The following UGT8 variants were observed in gnomAD, a reference collection of about 807,000 sequenced individuals.
UGT8 encodes UDP glycosyltransferase 8.
Under a neutral mutation model 40.5 loss-of-function variants are expected in UGT8, and 12 were observed. The observed-to-expected ratio is 0.30, with a 90% CI of 0.19 to 0.48. The LOEUF (loss-of-function observed/expected upper bound fraction) is 0.48, where lower values mean the gene tolerates loss of function less well. Ranked by LOEUF, UGT8 falls within the 20% of genes least tolerant of loss-of-function variation. The pLI is 0.99. For missense variants in UGT8, 513 were observed against 648.7 expected (o/e 0.79, Z 2.27); for synonymous variants, 224 against 240.4 (o/e 0.93, Z 0.63).
intron 2 of UGT8, chr4:114,663,773 T>C (rs1387306956): frequency 4.1e-6 from 4 of 985,122 alleles, no homozygotes; most frequent in Non-Finnish European, 3.6e-6. Flanking sequence ...TTTTGTTACT[T>C]ACAGATCTTA....
At chr4:114,662,622 A>G (rs1734612105) in intron 2 of UGT8, among the ~76,000 whole-genome samples, 1 of 152,120 alleles carries the variant, frequency 6.6e-6, no homozygotes, top group African/African-American at 2.4e-5. Context: ...TCATGCAGTG[A>G]CATTATTCGC....
chr4:114,656,933 A>T (rs1174243078), intron 2 of UGT8: 1 of 437,444 alleles, frequency 2.3e-6, no homozygotes, highest in Non-Finnish European at 4.6e-6. Flanking sequence ...ATATGTCCCA[A>T]GTGTCAGATA....
chr4:114,605,926 A>G (rs1730701727), intron 1 of UGT8, among the ~76,000 whole-genome samples: 1 of 152,188 alleles, frequency 6.6e-6, no homozygotes, highest in Non-Finnish European at 1.5e-5. Flanking sequence ...AATTGTGGTT[A>G]GTGACATTAA....
Position 114,618,330 on chromosome 4 carries a change from AT to A in UGT8, c.-2-4545del, listed in dbSNP as rs1731566394. Among the ~76,000 whole-genome samples the A allele has an allele frequency of 2.0e-5, 3 of 152,206 alleles. No homozygotes were observed. In the South Asian group the frequency reaches 6.2e-4, roughly 31 times the overall value. On this transcript the variant is annotated intron_variant, in intron 1 of 5. Transcript: ENST00000310836. ...TTTCATAACATTTACACCAGTTTACATTTTCACCAACTTCTTAAGACTACAC... is the reference window on the plus strand; with the variant it reads ...TTTCATAACATTTACACCAGTTTACATTTCACCAACTTCTTAAGACTACAC...
At chr4:114,657,385 G>C (rs1005925247) in intron 2 of UGT8, among the ~76,000 whole-genome samples, 2 of 152,088 alleles carry the variant, frequency 1.3e-5, no homozygotes, top group Non-Finnish European at 2.9e-5. Flanking sequence ...ACCCTTCTGG[G>C]TGCTTATTTC....
intron 2 of UGT8, among the ~76,000 whole-genome samples, chr4:114,655,322 A>T (rs1427332786): frequency 6.6e-6 from 1 of 152,002 alleles, no homozygotes; most frequent in African/African-American, 2.4e-5. Context: ...CAGACCATGG[A>T]TGCATCTGTG....
chr4:114,616,375 C>T (rs1578408566), intron 1 of UGT8, among the ~76,000 whole-genome samples: 2 of 152,324 alleles, frequency 1.3e-5, no homozygotes, highest in South Asian at 4.1e-4. Flanking sequence ...GAGTGAGGCT[C>T]CATGGGCGTA....
intron 2 of UGT8, among the ~76,000 whole-genome samples, chr4:114,647,392 G>GTGTC (rs1237039576): frequency 3.3e-4 from 50 of 150,748 alleles, no homozygotes; most frequent in Admixed American, 3.0e-3. Context: ...GTGTGTGTGT[G>GTGTC]TCTCACTCTG....
At chr4:114,599,015 G>A (rs1331532289) in intron 1 of UGT8, 41 bp downstream of exon 1, 1 of 151,174 alleles carries the variant, frequency 6.6e-6, no homozygotes, top group Non-Finnish European at 1.5e-5. Context: ...GCGGAAGGGG[G>A]GGCGGTCTGG....
In UGT8 at chr4:114,623,405, A is replaced by G. The variant is rs752891004; in HGVS notation, c.525A>G (p.Ala175=). The change falls in exon 2 of 6, where the codon GCA becomes GCG. Residue 175 remains alanine (A), a synonymous_variant. Coordinates refer to ENST00000310836, the MANE Select transcript of UGT8 (RefSeq NM_001128174.3). The part of the protein sequence containing the change: ...PAEVGAPAPL[A]YVPEFNSLLT... ...AAGTGGGTGCTCCTGCTCCATTAGC[A>G]TACGTCCCAGAGTTTAACTCACTCC... is the stretch of plus-strand genomic sequence containing the variant. 5.6e-6 allele frequency: 9 copies of G among 1,614,202 alleles called. No homozygotes were observed. In the South Asian group the frequency reaches 7.7e-5, roughly 14 times the overall value.
In UGT8 at chr4:114,599,944, G is replaced by A. The variant is rs561900591; in HGVS notation, c.-3+970G>A. ...ATTGAGGGTTTATAAAATTGAGTAC[G>A]GTAAACCTGCCATTGTGCAGCACTT... On this transcript the variant is annotated intron_variant, in intron 1 of 5. Coordinates refer to ENST00000310836, the MANE Select transcript of UGT8 (RefSeq NM_001128174.3). Among the ~76,000 whole-genome samples the A allele has an allele frequency of 4.5e-4, 68 of 152,240 alleles. 1 individual carries two copies. The South Asian group carries it at 0.013, about 30-fold the overall frequency.
At chr4:114,622,682 T>C (rs568849157) in intron 1 of UGT8, 197 bp from the exon 2 acceptor site, 42 of 514,934 alleles carry the variant, frequency 8.2e-5, no homozygotes, top group African/African-American at 5.2e-4. Context: ...ATTTCTCTGA[T>C]GGCCAGTGAT....
intron 2 of UGT8, among the ~76,000 whole-genome samples, chr4:114,647,356 TTGTGTGTGTGTGTG>T (rs34575248): frequency 2.1e-5 from 3 of 143,288 alleles, no homozygotes; most frequent in Admixed American, 7.0e-5. Flanking sequence ...ATTAGCTCTT[TTGTGTGTGTGTGTG>T]TGTGTGTGTG....
At chr4:114,598,556 A>C (rs1194260222), upstream of UGT8, 2 of 152,344 alleles carry the variant, frequency 1.3e-5, no homozygotes, top group Admixed American at 6.5e-5. Flanking sequence ...TCCATGCCCC[A>C]GCCCGGGGAG....
intron 3 of UGT8, among the ~76,000 whole-genome samples, 165 bp downstream of exon 3, chr4:114,664,302 C>A (rs1184732345): frequency 2.0e-5 from 3 of 152,082 alleles, no homozygotes; most frequent in African/African-American, 7.2e-5. Context: ...GGAATTAATT[C>A]ATAAGGCTCT....
At chr4:114,614,288 C>G (rs1260212851) in intron 1 of UGT8, among the ~76,000 whole-genome samples, 1 of 152,158 alleles carries the variant, frequency 6.6e-6, no homozygotes. Flanking sequence ...TCTTGGCACT[C>G]ATGAATGTTC....
intron 2 of UGT8, among the ~76,000 whole-genome samples, chr4:114,661,188 T>C (rs1734509977): frequency 6.6e-6 from 1 of 152,238 alleles, no homozygotes. Flanking sequence ...TTTTAAAATT[T>C]GGTATTTGAC....
intron 1 of UGT8, among the ~76,000 whole-genome samples, chr4:114,608,115 G>C (rs1235368098): frequency 6.6e-6 from 1 of 151,990 alleles, no homozygotes; most frequent in Admixed American, 6.6e-5. Flanking sequence ...TTTACCCACT[G>C]GGGCATTCAT....
At chr4:114,616,725 T>C (rs1222861346) in intron 1 of UGT8, among the ~76,000 whole-genome samples, 2 of 152,152 alleles carry the variant, frequency 1.3e-5, no homozygotes, top group African/African-American at 4.8e-5. Context: ...GCTGTTCCTA[T>C]TCGGCCATCT....
Sources: allele counts gnomAD v4.1 joint callset (sites outside exome capture counted in the v4.1 genomes callset), GRCh38; gene constraint gnomAD v4.1.1; transcripts MANE v1.5; gene names NCBI Gene and HGNC (gene_info 2026-07-23, HGNC 2026-07-21).